WRN: variants seen among roughly 807,000 people sequenced by gnomAD.
The protein encoded by WRN is WRN RecQ like helicase.
WRN carries 149 observed loss-of-function variants against 180.7 expected under a neutral mutation model. The observed-to-expected ratio is 0.82, with a 90% CI of 0.72 to 0.94. The LOEUF is 0.94. WRN is among the 40% of genes least tolerant of loss of function. The pLI, the probability that WRN is intolerant of heterozygous loss-of-function variation, is 0.00. For synonymous variants in WRN, 548 were observed against 568.9 expected (o/e 0.96, Z 0.52); for missense variants, 1,661 against 1,700.1 (o/e 0.98, Z 0.40).
At chr8:31,104,979 T>C (rs555313285) in intron 18 of WRN, among the ~76,000 whole-genome samples, 1 of 152,356 alleles carries the variant, frequency 6.6e-6, no homozygotes, top group East Asian at 1.9e-4. Context: ...ATTCTTTTGG[T>C]AGGTTGTCTA....
intron 10 of WRN, 47 bp downstream of exon 10, chr8:31,083,826 A>G (rs1813417476): frequency 7.6e-7 from 1 of 1,316,896 alleles, no homozygotes; most frequent in Non-Finnish European, 1.1e-6. Flanking sequence ...TTTCCAAAGG[A>G]CATTTAATTA....
At chr8:31,114,298 T>G (rs1801430017) in intron 19 of WRN, among the ~76,000 whole-genome samples, 1 of 152,188 alleles carries the variant, frequency 6.6e-6, no homozygotes, top group Non-Finnish European at 1.5e-5. Context: ...GTTAAAGTCT[T>G]AATTATAATA....
intron 8 of WRN, among the ~76,000 whole-genome samples, chr8:31,077,366 G>A (rs1180008482): frequency 2.6e-5 from 4 of 151,734 alleles, no homozygotes; most frequent in East Asian, 1.9e-4. Flanking sequence ...TCAGCCTCCC[G>A]AGTAGCTGGG....
chr8:31,109,786 A>G (rs1221513687), intron 18 of WRN, among the ~76,000 whole-genome samples: 2 of 152,204 alleles, frequency 1.3e-5, no homozygotes, highest in African/African-American at 4.8e-5. Context: ...TAAAGAGCTC[A>G]AAATCTCACA....
intron 7 of WRN, among the ~76,000 whole-genome samples, chr8:31,071,270 A>G (rs890231675): frequency 6.6e-5 from 10 of 152,138 alleles, no homozygotes; most frequent in African/African-American, 2.4e-4. Context: ...CCCAAGAGCA[A>G]TCGAAGTGAC....
At chr8:31,107,739 C>G (rs1169387270) in intron 18 of WRN, among the ~76,000 whole-genome samples, 1 of 152,182 alleles carries the variant, frequency 6.6e-6, no homozygotes, top group Non-Finnish European at 1.5e-5. Flanking sequence ...AATCACTAAG[C>G]TGTTTGGCAC....
chr8:31,055,095 A>G (rs573119729), intron 1 of WRN, among the ~76,000 whole-genome samples: 53 of 152,278 alleles, frequency 3.5e-4, no homozygotes, highest in Non-Finnish European at 7.3e-4. Flanking sequence ...TATATGTACC[A>G]CATTTTCTTT....
At chr8:31,163,091 T>C (rs1047010992) in intron 33 of WRN, among the ~76,000 whole-genome samples, 8 of 152,006 alleles carry the variant, frequency 5.3e-5, no homozygotes, top group African/African-American at 1.9e-4. Flanking sequence ...TGTAATGGGG[T>C]GTGTGTGTGT....
rs754588248 is a variant in WRN at position 31,143,539 on chromosome 8, T to C, written c.3310-11T>C. ...ACTTTTTTTAATGGACCTTTATATG[T>C]TTAAATGCAGTCTAACTTGGAGAAG... is the stretch of plus-strand genomic sequence containing the variant. On this transcript the variant is annotated splice_polypyrimidine_tract_variant and intron_variant, in intron 27 of 34. Coordinates refer to ENST00000298139, the MANE Select transcript of WRN (RefSeq NM_000553.6). 3 of 1,568,494 alleles carry C rather than the reference T, an allele frequency of 1.9e-6. No homozygotes were observed. The South Asian group carries it at 3.4e-5, about 18-fold the overall frequency.
chr8:31,071,048 A>G (rs1181394305), intron 7 of WRN, among the ~76,000 whole-genome samples: 2 of 133,910 alleles, frequency 1.5e-5, no homozygotes, highest in Non-Finnish European at 3.3e-5. Flanking sequence ...TGTCTCAGAA[A>G]AAAAAAAAAA....
chr8:31,063,573 C>T (rs1812577776), intron 3 of WRN, among the ~76,000 whole-genome samples: 2 of 152,146 alleles, frequency 1.3e-5, no homozygotes. Context: ...ACATGAACCA[C>T]CGATAGATAT....
Position 31,077,663 on chromosome 8 carries a change from ATTT to A in WRN, c.839+1379_839+1381del, listed in dbSNP as rs552077132. 1.2e-4 allele frequency among the ~76,000 whole-genome samples: 18 copies of A among 152,310 alleles called. No homozygotes were observed. The East Asian group carries it at 3.5e-3, about 29-fold the overall frequency. ...TACATGACTTTTACATGCATTTCAG[ATTT>A]TTGTACTAGCAATTAAAATATCTAC... On this transcript the variant is annotated intron_variant, in intron 8 of 34. Coordinates refer to ENST00000298139, the MANE Select transcript of WRN (RefSeq NM_000553.6).
intron 1 of WRN, among the ~76,000 whole-genome samples, chr8:31,052,222 T>C (rs984530332): frequency 6.6e-6 from 1 of 152,210 alleles, no homozygotes; most frequent in Non-Finnish European, 1.5e-5. Flanking sequence ...TTTTGTCCCC[T>C]GATTGTTAAA....
chr8:31,056,269 A>G (rs1039200885), intron 1 of WRN, among the ~76,000 whole-genome samples: 3 of 152,216 alleles, frequency 2.0e-5, no homozygotes, highest in Non-Finnish European at 2.9e-5. Flanking sequence ...TACTCTAAGT[A>G]TAGCAGAAAT....
At chr8:31,047,513 C>A (rs1175881788) in intron 1 of WRN, among the ~76,000 whole-genome samples, 1 of 152,070 alleles carries the variant, frequency 6.6e-6, no homozygotes, top group African/African-American at 2.4e-5. Flanking sequence ...GGGAGTGGGA[C>A]ACCTTCCTTA....
chr8:31,152,979 G>A (rs1251375626), intron 31 of WRN, among the ~76,000 whole-genome samples: 1 of 151,330 alleles, frequency 6.6e-6, no homozygotes, highest in Non-Finnish European at 1.5e-5. Context: ...GGGATTTGAG[G>A]CTGCAGTGAG....
chr8:31,039,109 A>G (rs1811554465), intron 1 of WRN, among the ~76,000 whole-genome samples: 1 of 152,174 alleles, frequency 6.6e-6, no homozygotes, highest in African/African-American at 2.4e-5. Flanking sequence ...ATTTCTGCAG[A>G]AAAGCCTTTT....
In WRN at chr8:31,167,082, T is replaced by G. The variant is rs760417225; in HGVS notation, c.4043T>G (p.Ile1348Ser). 1 of 1,613,420 alleles carries G rather than the reference T, an allele frequency of 6.2e-7. No individual in the cohort carries two copies. The highest frequency in any genetic ancestry group is 1.7e-5 in the Admixed American group (1 of 59,930). ...CCTGAAAACATTGACACGTACCTTA[T>G]CCACATGGCAATTGAGATCCTTAAA... ...LVPENIDTYL[I>S]HMAIEILKHG... The change falls in exon 34 of 35, where the codon ATC (isoleucine) becomes AGC (serine). Residue 1348 changes from isoleucine (I) to serine (S), a missense_variant. Ile to Ser is a moderately radical substitution (Grantham distance 142). This residue lies in a region of WRN where 1,141 missense variants were observed against 1,149.4 expected (regional missense o/e 0.99). Transcript: ENST00000298139.
rs753291353 is a variant in WRN, at chr8:31,087,927, A to T, written c.1576+7A>T. ...GAAGAAGATGATGATAAGGGTAAGCACTGAAGTATGTTTGAAATGACTCAC... is the reference window on the plus strand; with the variant it reads ...GAAGAAGATGATGATAAGGGTAAGCTCTGAAGTATGTTTGAAATGACTCAC... On this transcript the variant is annotated splice_region_variant and intron_variant, in intron 12 of 34. Coordinates refer to ENST00000298139, the MANE Select transcript of WRN (RefSeq NM_000553.6). 3 of 1,612,114 alleles carry T rather than the reference A, an allele frequency of 1.9e-6. No homozygotes were observed. The highest frequency in any genetic ancestry group is 2.5e-6 in the Non-Finnish European group (3 of 1,178,930).
Sources: gnomAD v4.1 joint callset for allele counts (sites outside exome capture counted in the v4.1 genomes callset) on GRCh38, gnomAD v4.1.1 for gene constraint, gnomAD v4.1.1 regional missense constraint, MANE v1.5 for transcripts, NCBI Gene and HGNC (gene_info 2026-07-23, HGNC 2026-07-21) for gene names.